PLXNA2: variants seen among roughly 807,000 people sequenced by gnomAD.
The protein encoded by PLXNA2 is plexin-A2.
Under a neutral mutation model 193.5 loss-of-function variants are expected in PLXNA2, and 91 were observed. That is an observed-to-expected ratio of 0.47 (90% CI 0.40 to 0.56). The LOEUF is 0.56. Among genes scored for constraint, PLXNA2 ranks in the 20% least tolerant of loss-of-function variants. The pLI, the probability that PLXNA2 is intolerant of heterozygous loss-of-function variation, is 0.00. For missense variants in PLXNA2, 1,995 were observed against 2,503.2 expected (o/e 0.80, Z 4.33); for synonymous variants, 997 against 1,027.3 (o/e 0.97, Z 0.56).
At chr1:208,102,264 C>T (rs1304044440) in intron 5 of PLXNA2, among the ~76,000 whole-genome samples, 1 of 152,232 alleles carries the variant, frequency 6.6e-6, no homozygotes, top group Non-Finnish European at 1.5e-5. Flanking sequence ...CTCTGGCCCT[C>T]CGCCTCCGCC....
chr1:208,200,733 G>A (rs1168796611), intron 3 of PLXNA2, among the ~76,000 whole-genome samples: 1 of 151,906 alleles, frequency 6.6e-6, no homozygotes. Context: ...TTAGTAGCTG[G>A]GATTGCAGGC....
chr1:208,191,745 G>A (rs1032249820), intron 3 of PLXNA2, among the ~76,000 whole-genome samples: 4 of 152,200 alleles, frequency 2.6e-5, no homozygotes, highest in Non-Finnish European at 5.9e-5. Flanking sequence ...CTTCTTAAAC[G>A]CAGTGCTCTC....
intron 12 of PLXNA2, among the ~76,000 whole-genome samples, chr1:208,062,551 C>T (rs1021312765): frequency 3.3e-5 from 5 of 152,234 alleles, no homozygotes; most frequent in Admixed American, 3.3e-4. Flanking sequence ...CTGCCTCCTT[C>T]CCTCTGTCCC....
chr1:208,096,080 T>C lies in PLXNA2; in HGVS notation c.1931A>G (p.Lys644Arg), dbSNP rs1201504522. Residue 644 changes from lysine (K) to arginine (R), a missense_variant, in exon 8 of 32, where the codon AAG (lysine) becomes AGG (arginine). By Grantham distance (26) the Lys-to-Arg change is conservative (BLOSUM62 2). Coordinates refer to ENST00000367033, the MANE Select transcript of PLXNA2 (RefSeq NM_025179.4). ...CTTGAACTCGGTGCTGACAAATATCTTCCCTGTCTCCTTGGACCTCAGCTG... is the reference window on the plus strand; with the variant it reads ...CTTGAACTCGGTGCTGACAAATATCCTCCCTGTCTCCTTGGACCTCAGCTG... ...ELQLRSKETG[K>R]IFVSTEFKFY... 1 of 1,613,926 alleles carries C rather than the reference T, an allele frequency of 6.2e-7. No individual in the cohort carries two copies. Among genetic ancestry groups the C allele is most frequent in the South Asian group, 1.1e-5 (1 of 91,066 alleles).
At chr1:208,036,279 A>G (rs1571846319) in intron 26 of PLXNA2, among the ~76,000 whole-genome samples, 1 of 152,240 alleles carries the variant, frequency 6.6e-6, no homozygotes, top group East Asian at 1.9e-4. Flanking sequence ...ATTATCATTT[A>G]TAGTTTCTTG....
chr1:208,140,756 G>A (rs1009516859), intron 4 of PLXNA2, among the ~76,000 whole-genome samples: 11 of 152,156 alleles, frequency 7.2e-5, no homozygotes, highest in African/African-American at 1.4e-4. Flanking sequence ...AACAAATAAT[G>A]TTTTCCCTTA....
chr1:208,210,533 C>T, intron 2 of PLXNA2, 71 bp from the exon 3 acceptor site: 1 of 1,352,594 alleles, frequency 7.4e-7, no homozygotes, highest in Non-Finnish European at 1.0e-6. Context: ...CGACCCATAT[C>T]CACAACTTCC....
chr1:208,055,275 A>G (rs1488729319), intron 13 of PLXNA2, among the ~76,000 whole-genome samples: 1 of 152,158 alleles, frequency 6.6e-6, no homozygotes, highest in African/African-American at 2.4e-5. Context: ...AGAAGTGTGC[A>G]GCGCTCTCTC....
At chr1:208,222,891 T>C (rs1671384431) in intron 1 of PLXNA2, among the ~76,000 whole-genome samples, 2 of 152,190 alleles carry the variant, frequency 1.3e-5, no homozygotes, top group African/African-American at 2.4e-5. Context: ...ACTAACTCCA[T>C]TCCTAACAAC....
chr1:208,221,072 AG>A (rs1671313514), intron 1 of PLXNA2, among the ~76,000 whole-genome samples: 2 of 152,204 alleles, frequency 1.3e-5, no homozygotes, highest in African/African-American at 4.8e-5. Flanking sequence ...GATGTCTAGA[AG>A]GCATGAGGTC....
intron 20 of PLXNA2, among the ~76,000 whole-genome samples, chr1:208,043,507 C>T (rs912274060): frequency 1.1e-4 from 17 of 152,178 alleles, no homozygotes; most frequent in Non-Finnish European, 1.6e-4. Flanking sequence ...GTAAAGATCA[C>T]GGAGATGCTG....
intron 24 of PLXNA2, 110 bp from the exon 25 acceptor site, chr1:208,039,094 G>T: frequency 1.1e-6 from 1 of 918,678 alleles, no homozygotes; most frequent in Non-Finnish European, 1.6e-6. Context: ...TCCTTATAGG[G>T]GAAATAAGGG....
intron 5 of PLXNA2, among the ~76,000 whole-genome samples, chr1:208,101,473 C>T (rs1040171916): frequency 7.9e-5 from 12 of 152,254 alleles, no homozygotes; most frequent in East Asian, 3.9e-4. Context: ...GCTCTTGGGG[C>T]GGAGAAGCTG....
chr1:208,207,734 G>A (rs1417622856), intron 3 of PLXNA2, among the ~76,000 whole-genome samples: 1 of 152,164 alleles, frequency 6.6e-6, no homozygotes, highest in Non-Finnish European at 1.5e-5. Context: ...TTATTTCTCT[G>A]GAGAGGGGTG....
At chr1:208,215,547 GAA>G (rs1671097045) in intron 2 of PLXNA2, among the ~76,000 whole-genome samples, 1 of 133,912 alleles carries the variant, frequency 7.5e-6, no homozygotes, top group South Asian at 2.8e-4. Context: ...AGGGATGGAG[GAA>G]GGGATGGAGG....
chr1:208,226,691 T>C (rs1369083927), intron 1 of PLXNA2, among the ~76,000 whole-genome samples: 1 of 152,180 alleles, frequency 6.6e-6, no homozygotes, highest in Non-Finnish European at 1.5e-5. Context: ...CCCTTTATTA[T>C]CTAAAGGTCG....
chr1:208,070,468 C>T (rs1665942978), intron 12 of PLXNA2, among the ~76,000 whole-genome samples: 1 of 152,232 alleles, frequency 6.6e-6, no homozygotes, highest in South Asian at 2.1e-4. Context: ...GGATTGGGGA[C>T]TACTGGCTTT....
rs1203624967 is a variant in PLXNA2 at position 208,025,801 on chromosome 1, AAG to A, written c.*1440_*1441del. 1 of 152,274 alleles carries A rather than the reference AAG, an allele frequency of 6.6e-6. No homozygotes were observed. The highest frequency in any genetic ancestry group is 6.5e-5 in the Admixed American group (1 of 15,288). 9.4% of individuals were successfully genotyped at this position (152,274 alleles called of 1,614,324 possible). On this transcript the variant is annotated 3_prime_UTR_variant, in exon 32 of 32. Coordinates refer to ENST00000367033, the MANE Select transcript of PLXNA2 (RefSeq NM_025179.4). ...TATCCATAGTTTTAGGCATCATCAG[AAG>A]AGACAGAGAAGGAAAGTCCAGTGAG...
At position 208,024,855 on chromosome 1, in the gene PLXNA2, G is replaced by A. The variant is rs1043046803; in HGVS notation, c.*2388C>T. 10 of 152,242 alleles carry A rather than the reference G, an allele frequency of 6.6e-5. No individual in the cohort carries two copies. The allele number at this position is 152,242 out of a possible 1,614,324, so 9.4% of individuals were successfully genotyped here. ...TCACCCAAACAGAGCTCAGAAGTTA[G>A]ATGGGGTGGGCTGAACTTTTTTACA... On this transcript the variant is annotated 3_prime_UTR_variant, in exon 32 of 32. Coordinates refer to ENST00000367033, the MANE Select transcript of PLXNA2 (RefSeq NM_025179.4).
Sources: gnomAD v4.1 joint callset for allele counts (sites outside exome capture counted in the v4.1 genomes callset) on GRCh38, gnomAD v4.1.1 for gene constraint, MANE v1.5 for transcripts, NCBI Gene and HGNC (gene_info 2026-07-23, HGNC 2026-07-21) for gene names.